The following TOM1L1 variants were observed in gnomAD, a reference collection of about 807,000 sequenced individuals.
The protein encoded by TOM1L1 is target of myb1 like 1 membrane trafficking protein, also known as TOM1-like protein 1.
A neutral mutation model predicts 63.4 loss-of-function variants in TOM1L1; 64 were observed. The ratio of observed to expected loss-of-function variants is 1.01; its 90% CI spans 0.83 to 1.24. TOM1L1 has a LOEUF of 1.24. TOM1L1 is among the 50% of genes most tolerant of loss of function. The probability of loss-of-function intolerance (pLI) is 0.00; values close to 1 mark genes in which losing one functional copy is unlikely to be tolerated. For synonymous variants in TOM1L1, 166 were observed against 194.4 expected (o/e 0.85, Z 1.22); for missense variants, 536 against 567.0 (o/e 0.95, Z 0.55).
intron 7 of TOM1L1, among the ~76,000 whole-genome samples, chr17:54,920,088 C>T (rs1019574620): frequency 4.6e-5 from 7 of 151,992 alleles, no homozygotes; most frequent in Admixed American, 3.3e-4. Context: ...AAAGGTTTCT[C>T]ATACCCATCT....
At chr17:54,908,352 C>T (rs1373859919) in intron 3 of TOM1L1, among the ~76,000 whole-genome samples, 1 of 152,220 alleles carries the variant, frequency 6.6e-6, no homozygotes, top group African/African-American at 2.4e-5. Flanking sequence ...AGACTACTCA[C>T]TGCCTTGCAG....
intron 8 of TOM1L1, among the ~76,000 whole-genome samples, chr17:54,930,995 G>A (rs909685087): frequency 6.6e-6 from 1 of 152,102 alleles, no homozygotes; most frequent in African/African-American, 2.4e-5. Flanking sequence ...AGCTATGATC[G>A]CATCACTGCA....
intron 11 of TOM1L1, among the ~76,000 whole-genome samples, chr17:54,943,602 C>CAT (rs1157722627): frequency 1.3e-5 from 2 of 151,722 alleles, no homozygotes; most frequent in African/African-American, 2.4e-5. Context: ...TACACACACA[C>CAT]ATATATATAA....
chr17:54,900,901 G>A lies in TOM1L1; in HGVS notation c.36G>A (p.Ala12=). The change falls in exon 1 of 16, where the codon GCG becomes GCA. Residue 12 remains alanine, a synonymous_variant. Transcript: ENST00000575882. Reference sequence around the variant, plus strand: ...GCAAGAGTCACCGGGATCCCTACGCGACCTCCGTGGGCCACCTCATAGGTA... The same window carrying A: ...GCAAGAGTCACCGGGATCCCTACGCAACCTCCGTGGGCCACCTCATAGGTA... ...AFGKSHRDPY[A]TSVGHLIEKA... is the part of the protein sequence containing the mutation. 1 of 1,613,860 alleles carries A rather than the reference G, an allele frequency of 6.2e-7. No individual in the cohort carries two copies. The highest frequency in any genetic ancestry group is 2.2e-5 in the East Asian group (1 of 44,876).
chr17:54,938,831 C>A, intron 10 of TOM1L1, 93 bp from the exon 11 acceptor site: 6 of 577,516 alleles, frequency 1.0e-5, no homozygotes, highest in South Asian at 3.9e-5. Flanking sequence ...TTTTCTTTTT[C>A]TTTTTTCTTT....
chr17:54,920,589 A>G (rs909916842), intron 7 of TOM1L1, among the ~76,000 whole-genome samples: 3 of 152,166 alleles, frequency 2.0e-5, no homozygotes, highest in Non-Finnish European at 4.4e-5. Context: ...GACCCCTCCA[A>G]AGGACTTTTC....
At chr17:54,903,616 C>A in intron 1 of TOM1L1, 92 bp from the exon 2 acceptor site, 1 of 1,135,140 alleles carries the variant, frequency 8.8e-7, no homozygotes, top group Non-Finnish European at 1.3e-6. Flanking sequence ...AACTTAATGA[C>A]ACTTGCTGGT....
chr17:54,940,190 C>A (rs2049013667), intron 11 of TOM1L1, among the ~76,000 whole-genome samples: 1 of 152,110 alleles, frequency 6.6e-6, no homozygotes, highest in South Asian at 2.1e-4. Flanking sequence ...AGCTACTGCA[C>A]CCAGCCATCA....
At chr17:54,921,696 A>C (rs1348140535) in intron 7 of TOM1L1, among the ~76,000 whole-genome samples, 1 of 152,148 alleles carries the variant, frequency 6.6e-6, no homozygotes, top group African/African-American at 2.4e-5. Context: ...GTGCCACTGC[A>C]CTCCAGCCTC....
At chr17:54,919,391 T>C (rs576653308) in intron 7 of TOM1L1, among the ~76,000 whole-genome samples, 1 of 152,374 alleles carries the variant, frequency 6.6e-6, no homozygotes, top group African/African-American at 2.4e-5. Context: ...TTCTCTCATA[T>C]TCTCATCCAT....
intron 7 of TOM1L1, 106 bp downstream of exon 7, chr17:54,915,968 C>G (rs1203294873): frequency 1.4e-6 from 1 of 709,728 alleles, no homozygotes; most frequent in Non-Finnish European, 2.4e-6. Context: ...AGTACATCCT[C>G]CTACATCCTG....
chr17:54,951,345 A>C (rs560464544), intron 14 of TOM1L1, among the ~76,000 whole-genome samples: 73 of 152,276 alleles, frequency 4.8e-4, no homozygotes, highest in African/African-American at 1.6e-3. Context: ...CCAGAAACTG[A>C]CCTGACCCAA....
chr17:54,935,261 G>C (rs2048927406), intron 8 of TOM1L1, among the ~76,000 whole-genome samples: 1 of 144,966 alleles, frequency 6.9e-6, no homozygotes, highest in African/African-American at 2.9e-5. Flanking sequence ...TCTCTGGAGG[G>C]CAGGGGCAGG....
At chr17:54,916,829 G>C (rs2048598272) in intron 7 of TOM1L1, 1 of 152,108 alleles carries the variant, frequency 6.6e-6, no homozygotes, top group Admixed American at 6.6e-5. Context: ...ACCCATGTTG[G>C]TAAACTTTGG....
At chr17:54,935,793 G>A (rs975660428) in intron 8 of TOM1L1, among the ~76,000 whole-genome samples, 2 of 152,060 alleles carry the variant, frequency 1.3e-5, no homozygotes, top group African/African-American at 4.8e-5. Context: ...GTTGTAGAAG[G>A]TCAATTTTTT....
chr17:54,954,713 C>A (rs1371771141), intron 14 of TOM1L1: 2 of 152,188 alleles, frequency 1.3e-5, no homozygotes, highest in Non-Finnish European at 2.9e-5. Context: ...CCCTATAGGC[C>A]CCCACATGAC....
Position 54,961,331 on chromosome 17 carries a change from C to G in TOM1L1, c.*98C>G. 6.4e-7 allele frequency: 1 copy of G among 1,551,516 alleles called. No individual in the cohort carries two copies. The highest frequency in any genetic ancestry group is 8.7e-7 in the Non-Finnish European group (1 of 1,146,886). The stretch of plus-strand genomic sequence containing the variant: ...TTGAAGCCTGGAAGACAATACCTAC[C>G]AACATGTCAAAGCCATGGTGGCACA... On this transcript the variant is annotated 3_prime_UTR_variant, in exon 16 of 16. Transcript: ENST00000575882.
intron 11 of TOM1L1, among the ~76,000 whole-genome samples, chr17:54,946,161 T>TTCCAAC (rs2049115223): frequency 1.3e-5 from 2 of 152,278 alleles, no homozygotes; most frequent in South Asian, 4.1e-4. Context: ...CTGTGGTCAG[T>TTCCAAC]CTAAGGTGGC....
chr17:54,908,666 C>T (rs199844530), intron 3 of TOM1L1, among the ~76,000 whole-genome samples: 2 of 152,052 alleles, frequency 1.3e-5, no homozygotes. Context: ...TACCATCAGT[C>T]GGTGGAGCAG....
Sources: allele counts gnomAD v4.1 joint callset (sites outside exome capture counted in the v4.1 genomes callset), GRCh38; gene constraint gnomAD v4.1.1; transcripts MANE v1.5; gene names NCBI Gene and HGNC (gene_info 2026-07-23, HGNC 2026-07-21).